INSR: variants seen among roughly 807,000 people sequenced by gnomAD.
The protein encoded by INSR is insulin receptor.
In INSR, 67 loss-of-function variants were observed where a neutral mutation model predicts 142.6. The observed-to-expected ratio is 0.47, with a 90% CI of 0.39 to 0.58. The LOEUF is 0.58. Among genes scored for constraint, INSR ranks in the 20% least tolerant of loss-of-function variants. The pLI is 0.00. For synonymous variants in INSR, 756 were observed against 743.1 expected, an observed-to-expected ratio of 1.02 and a Z score of -0.28; for missense variants, 1,248 against 1,833.2, an observed-to-expected ratio of 0.68 and a Z score of 5.83.
Position 7,216,876 on chromosome 19 carries a change from A to G in INSR, c.653-32239T>C, listed in dbSNP as rs1314845360. ...GCCTAGGCTGGAGTGCAATGGTGCAATCATGGCTCACTGCAGCCTCGAACT... is the reference window on the plus strand; with the variant it reads ...GCCTAGGCTGGAGTGCAATGGTGCAGTCATGGCTCACTGCAGCCTCGAACT... On this transcript the variant is annotated intron_variant, in intron 2 of 21. Coordinates refer to ENST00000302850, the MANE Select transcript of INSR (RefSeq NM_000208.4). The surrounding 1 kb of genome is among the most constrained non-coding windows in gnomAD (Gnocchi z 4.2). 1.3e-5 allele frequency among the ~76,000 whole-genome samples: 2 copies of G among 151,798 alleles called. No homozygotes were observed. Among genetic ancestry groups the G allele is most frequent in the African/African-American group, 4.9e-5 (2 of 41,166 alleles).
intron 2 of INSR, among the ~76,000 whole-genome samples, chr19:7,264,847 C>T (rs762449669): frequency 1.3e-5 from 2 of 152,154 alleles, no homozygotes; most frequent in Non-Finnish European, 2.9e-5. Context: ...ACCCATCTTC[C>T]TTTTTCAACT....
chr19:7,127,799 A>G lies in INSR; in HGVS notation c.2945+1053T>C, dbSNP rs549178229. 3.3e-5 allele frequency among the ~76,000 whole-genome samples: 5 copies of G among 152,262 alleles called. No individual in the cohort carries two copies. In the South Asian group the frequency reaches 6.2e-4, roughly 19 times the overall value. On this transcript the variant is annotated intron_variant, in intron 15 of 21. Coordinates refer to ENST00000302850, the MANE Select transcript of INSR (RefSeq NM_000208.4). ...CACTCTGTTGCCCAGGCTGGAGTGC[A>G]ATGGTGCGATCTCGGCTCACTGCAA...
chr19:7,293,684 G>GC, intron 1 of INSR, 108 bp downstream of exon 1: 1 of 939,348 alleles, frequency 1.1e-6, no homozygotes, highest in Non-Finnish European at 1.4e-6. Context: ...ACCGCCCCCC[G>GC]CCCCTGGGGA....
intron 9 of INSR, among the ~76,000 whole-genome samples, chr19:7,155,234 G>A (rs984786370): frequency 1.3e-5 from 2 of 151,462 alleles, no homozygotes; most frequent in Admixed American, 6.6e-5. Context: ...GAATTTTCTT[G>A]GCACATTAAA....
At chr19:7,276,751 G>A (rs939259021) in intron 1 of INSR, among the ~76,000 whole-genome samples, 5 of 151,960 alleles carry the variant, frequency 3.3e-5, no homozygotes, top group African/African-American at 1.2e-4. Flanking sequence ...TTATTTTTGA[G>A]ACGGAGTCTC....
intron 1 of INSR, among the ~76,000 whole-genome samples, chr19:7,286,340 G>C (rs775037637): frequency 2.6e-5 from 4 of 151,992 alleles, no homozygotes; most frequent in African/African-American, 7.2e-5. Context: ...TTACCTCCCT[G>C]GACATGAATG....
chr19:7,269,631 G>A (rs1235859366), intron 1 of INSR, among the ~76,000 whole-genome samples: 3 of 147,654 alleles, frequency 2.0e-5, no homozygotes, highest in African/African-American at 7.5e-5. Context: ...CCCAGTCTGA[G>A]GCTCCCAGTC....
At chr19:7,135,178 TG>T (rs1471893328) in intron 13 of INSR, among the ~76,000 whole-genome samples, 1 of 131,150 alleles carries the variant, frequency 7.6e-6, no homozygotes, top group Admixed American at 8.1e-5. Context: ...GTGGCAGGGG[TG>T]GGGGCAGGGA....
At chr19:7,142,421 T>A (rs1417609601) in intron 12 of INSR, among the ~76,000 whole-genome samples, 1 of 114,558 alleles carries the variant, frequency 8.7e-6, no homozygotes, top group Non-Finnish European at 1.7e-5. Flanking sequence ...AAAGGCCAGG[T>A]TCGGTGCTCA....
intron 2 of INSR, among the ~76,000 whole-genome samples, chr19:7,211,142 C>G (rs1398223584): frequency 6.6e-6 from 1 of 152,164 alleles, no homozygotes; most frequent in Non-Finnish European, 1.5e-5. Flanking sequence ...TCACAGCTCA[C>G]TGCAGCCTCG....
chr19:7,274,431 TGACG>T (rs1163094158), intron 1 of INSR, among the ~76,000 whole-genome samples: 1 of 151,136 alleles, frequency 6.6e-6, no homozygotes. Flanking sequence ...TTTTTTCCCA[TGACG>T]CCTACGAGAT....
intron 1 of INSR, among the ~76,000 whole-genome samples, chr19:7,276,325 T>C (rs1003249971): frequency 1.3e-5 from 2 of 151,992 alleles, no homozygotes; most frequent in African/African-American, 4.8e-5. Context: ...TTTGTATTTT[T>C]TGTAGAGATG....
intron 13 of INSR, among the ~76,000 whole-genome samples, chr19:7,140,112 A>G (rs1973032333): frequency 6.6e-6 from 1 of 152,212 alleles, no homozygotes; most frequent in South Asian, 2.1e-4. Flanking sequence ...TTTGGCCCAC[A>G]AGCCACAATA....
chr19:7,213,276 G>A (rs28576486), intron 2 of INSR, among the ~76,000 whole-genome samples: 78,810 of 148,134 alleles, frequency 0.53, 21,129 homozygotes, highest in African/African-American at 0.6. Flanking sequence ...CCCGGGAGGC[G>A]GAGGTTGCAG....
At chr19:7,211,873 G>T (rs1300145251) in intron 2 of INSR, among the ~76,000 whole-genome samples, 1 of 152,196 alleles carries the variant, frequency 6.6e-6, no homozygotes, top group Non-Finnish European at 1.5e-5. Flanking sequence ...GCAGGACTGG[G>T]TCACGGGCTA....
intron 10 of INSR, 36 bp downstream of exon 10, chr19:7,152,690 G>C (rs1973404779): frequency 6.4e-7 from 1 of 1,559,114 alleles, no homozygotes; most frequent in Non-Finnish European, 8.8e-7. Flanking sequence ...CAAGCCAATT[G>C]GCACCCACTA....
At chr19:7,249,396 C>G (rs1976637060) in intron 2 of INSR, among the ~76,000 whole-genome samples, 1 of 152,116 alleles carries the variant, frequency 6.6e-6, no homozygotes, top group Non-Finnish European at 1.5e-5. Context: ...TTGCCTTCGT[C>G]AAGAACACAA....
chr19:7,291,456 T>A (rs1968493495), intron 1 of INSR, among the ~76,000 whole-genome samples: 1 of 152,344 alleles, frequency 6.6e-6, no homozygotes, highest in East Asian at 1.9e-4. Context: ...GAAGGTATTA[T>A]GCAGAGAATA....
intron 1 of INSR, among the ~76,000 whole-genome samples, chr19:7,271,094 T>C (rs1206887611): frequency 2.0e-5 from 3 of 151,120 alleles, no homozygotes; most frequent in African/African-American, 7.3e-5. Context: ...AAAGATTAAC[T>C]GGCTGTTGGA....
Sources: allele counts gnomAD v4.1 joint callset (sites outside exome capture counted in the v4.1 genomes callset), GRCh38; gene constraint gnomAD v4.1.1; non-coding constraint Gnocchi (gnomAD v3.1); transcripts MANE v1.5; gene names NCBI Gene and HGNC (gene_info 2026-07-23, HGNC 2026-07-21).